The following NRXN1 variants were observed in gnomAD, a reference collection of about 807,000 sequenced individuals.
NRXN1 encodes neurexin 1.
NRXN1 carries 39 observed loss-of-function variants against 150.9 expected under a neutral mutation model. The observed-to-expected ratio is 0.26, with a 90% CI of 0.20 to 0.34. NRXN1 has a LOEUF of 0.34. NRXN1 is among the 10% of genes least tolerant of loss of function. The pLI is 1.00. For synonymous variants in NRXN1, 924 were observed against 757.0 expected (o/e 1.22, Z -3.62); for missense variants, 1,815 against 1,949.9 (o/e 0.93, Z 1.30).
chr2:50,329,415 A>G (rs2076597065), intron 17 of NRXN1, among the ~76,000 whole-genome samples: 2 of 151,114 alleles, frequency 1.3e-5, no homozygotes, highest in Non-Finnish European at 2.9e-5. Context: ...TGGGAGGCCC[A>G]TTGTGCTGGA....
intron 12 of NRXN1, among the ~76,000 whole-genome samples, chr2:50,523,221 C>T (rs1023853657): frequency 2.0e-5 from 3 of 151,956 alleles, no homozygotes; most frequent in South Asian, 2.1e-4. Context: ...AGTAAAACAA[C>T]ACAGAAACAA....
At position 49,922,228 on chromosome 2, in the gene NRXN1, T is replaced by C; in HGVS notation, c.4240A>G (p.Arg1414Gly). Residue 1414 changes from arginine to glycine, a missense_variant, in exon 23 of 23, where the codon AGA becomes GGA. Physicochemically the swap from Arg to Gly is moderately radical, Grantham distance 125. Around this residue, in one of 6 missense-constraint regions of NRXN1, gnomAD observed 265 missense variants for 307.1 expected, o/e 0.86. Transcript: ENST00000401669. ...TCTGCTGAGCCTGGATACGGCTCTCTGCCGCCTGCTCGGGTTGGGTTGGCT... is the reference window on the plus strand; with the variant it reads ...TCTGCTGAGCCTGGATACGGCTCTCCGCCGCCTGCTCGGGTTGGGTTGGCT... Reference protein sequence around the residue: ...GLANPTRAGGREPYPGSAEVI... With the variant: ...GLANPTRAGGGEPYPGSAEVI... 1 of 1,614,064 alleles carries C rather than the reference T, an allele frequency of 6.2e-7. No individual in the cohort carries two copies. The highest frequency in any genetic ancestry group is 8.5e-7 in the Non-Finnish European group (1 of 1,179,970).
chr2:50,358,690 G>A (rs2078987594), intron 17 of NRXN1, among the ~76,000 whole-genome samples: 1 of 152,370 alleles, frequency 6.6e-6, no homozygotes, highest in East Asian at 1.9e-4. Context: ...TGCTGGCTCT[G>A]AAAAGAGCAG....
At chr2:50,120,733 T>C (rs1703737640) in intron 18 of NRXN1, among the ~76,000 whole-genome samples, 2 of 152,162 alleles carry the variant, frequency 1.3e-5, no homozygotes, top group African/African-American at 4.8e-5. Flanking sequence ...CTATAATACA[T>C]ACCGGTTAAG....
At chr2:49,924,561 C>A (rs1335161988) in intron 22 of NRXN1, among the ~76,000 whole-genome samples, 2 of 152,110 alleles carry the variant, frequency 1.3e-5, no homozygotes, top group African/African-American at 4.8e-5. Context: ...AATGAGGTCA[C>A]AAAGACCATA....
intron 18 of NRXN1, among the ~76,000 whole-genome samples, chr2:50,116,404 A>C (rs1703075508): frequency 6.6e-6 from 1 of 152,058 alleles, no homozygotes; most frequent in Admixed American, 6.6e-5. Context: ...AGGCTTGGAG[A>C]AGAGGTGGGG....
chr2:50,546,198 A>G (rs1055174111), intron 9 of NRXN1, among the ~76,000 whole-genome samples: 2 of 152,116 alleles, frequency 1.3e-5, no homozygotes, highest in African/African-American at 4.8e-5. Flanking sequence ...AGAATGCATG[A>G]GATAAGGAAA....
intron 21 of NRXN1, among the ~76,000 whole-genome samples, chr2:49,981,822 C>T (rs1680038840): frequency 6.6e-6 from 1 of 151,960 alleles, no homozygotes; most frequent in Non-Finnish European, 1.5e-5. Flanking sequence ...GGGAAAATTC[C>T]AGCCTCAGAT....
At chr2:50,757,858 A>G (rs182852942) in intron 5 of NRXN1, 28 of 151,798 alleles carry the variant, frequency 1.8e-4, no homozygotes, top group Admixed American at 1.1e-3. Flanking sequence ...CAATATTGTG[A>G]GACCATCAAA....
chr2:49,999,612 T>G (rs939039443), intron 21 of NRXN1, among the ~76,000 whole-genome samples: 22 of 152,188 alleles, frequency 1.4e-4, no homozygotes, highest in African/African-American at 5.1e-4. Context: ...GACAATAGTA[T>G]AATAAATCAG....
At chr2:50,706,745 C>T (rs1335903345) in intron 5 of NRXN1, among the ~76,000 whole-genome samples, 1 of 151,320 alleles carries the variant, frequency 6.6e-6, no homozygotes, top group South Asian at 2.1e-4. Flanking sequence ...ATGACCGGTG[C>T]ATTTTTAATT....
intron 5 of NRXN1, among the ~76,000 whole-genome samples, chr2:50,707,695 A>C (rs1019811701): frequency 5.9e-5 from 9 of 152,132 alleles, no homozygotes; most frequent in Non-Finnish European, 1.0e-4. Context: ...ATTCATTTAG[A>C]ACAATGTGAT....
chr2:49,921,941 G>A lies in NRXN1; in HGVS notation c.*3C>T, dbSNP rs200583259. 6.2e-7 allele frequency: 1 copy of A among 1,613,534 alleles called. No individual in the cohort carries two copies. Among genetic ancestry groups the A allele is most frequent in the African/African-American group, 1.3e-5 (1 of 74,954 alleles). On this transcript the variant is annotated 3_prime_UTR_variant, in exon 23 of 23. Transcript: ENST00000401669. ...ATACAAGTGTCCATTTAAGATCTTG[G>A]GATCAGACATAATACTCTTTATCCT...
At chr2:50,052,658 G>T (rs1258228149) in intron 21 of NRXN1, among the ~76,000 whole-genome samples, 2 of 152,132 alleles carry the variant, frequency 1.3e-5, no homozygotes, top group Non-Finnish European at 2.9e-5. Flanking sequence ...AGAGTTAATT[G>T]TAGGTGAGGG....
At chr2:51,022,951 A>C (rs1669863897) in intron 2 of NRXN1, among the ~76,000 whole-genome samples, 1 of 152,156 alleles carries the variant, frequency 6.6e-6, no homozygotes, top group Non-Finnish European at 1.5e-5. Flanking sequence ...TATCTGCAGG[A>C]AACCACAGTA....
chr2:50,196,906 T>G (rs2061806992), intron 18 of NRXN1, among the ~76,000 whole-genome samples: 1 of 152,022 alleles, frequency 6.6e-6, no homozygotes, highest in Non-Finnish European at 1.5e-5. Context: ...GAGATCTATT[T>G]GAGGGTGGAG....
chr2:50,898,670 A>T (rs1310503392), intron 5 of NRXN1: 2 of 413,306 alleles, frequency 4.8e-6, no homozygotes, highest in Non-Finnish European at 9.5e-6. Context: ...CAAAAATTTA[A>T]TTTTCCTATG....
At chr2:49,939,364 C>G (rs1182458502) in intron 22 of NRXN1, among the ~76,000 whole-genome samples, 1 of 152,092 alleles carries the variant, frequency 6.6e-6, no homozygotes, top group Non-Finnish European at 1.5e-5. Flanking sequence ...ACATTGTTAC[C>G]AATAGCTGGT....
intron 21 of NRXN1, among the ~76,000 whole-genome samples, chr2:49,992,115 T>C (rs1682068324): frequency 6.6e-6 from 1 of 151,990 alleles, no homozygotes; most frequent in African/African-American, 2.4e-5. Flanking sequence ...TGAAAAACCA[T>C]AAAACTCTTA....
Sources: allele counts gnomAD v4.1 joint callset (sites outside exome capture counted in the v4.1 genomes callset), GRCh38; gene constraint gnomAD v4.1.1; regional missense constraint gnomAD v4.1.1; transcripts MANE v1.5; gene names NCBI Gene and HGNC (gene_info 2026-07-23, HGNC 2026-07-21).